The following CSMD1 variants were observed in gnomAD, a reference collection of about 807,000 sequenced individuals.
The protein encoded by CSMD1 is CUB and Sushi multiple domains 1, also known as CUB and sushi domain-containing protein 1.
A neutral mutation model predicts 417.5 loss-of-function variants in CSMD1; 213 were observed. That is an observed-to-expected ratio of 0.51 (90% confidence interval 0.46 to 0.57). The LOEUF (loss-of-function observed/expected upper bound fraction) is 0.57, where lower values mean the gene tolerates loss of function less well. Ranked by LOEUF, CSMD1 falls within the 20% of genes least tolerant of loss-of-function variation. The pLI is 0.00. For missense variants in CSMD1, 6,923 were observed against 4,529.7 expected (o/e 1.53, Z -15.17); for synonymous variants, 2,862 against 1,736.8 (o/e 1.65, Z -16.11).
intron 7 of CSMD1, among the ~76,000 whole-genome samples, chr8:3,670,768 T>G (rs957547336): frequency 6.6e-6 from 1 of 150,576 alleles, no homozygotes; most frequent in Non-Finnish European, 1.5e-5. Flanking sequence ...ATGTATGGGA[T>G]ATATAAGTAT....
chr8:3,083,850 G>C (rs183238450), intron 49 of CSMD1, among the ~76,000 whole-genome samples: 1 of 151,154 alleles, frequency 6.6e-6, no homozygotes, highest in Admixed American at 6.6e-5. Flanking sequence ...TGTAGAGACA[G>C]GGTTTCACCA....
At chr8:3,007,687 C>T (rs375155544) in intron 52 of CSMD1, among the ~76,000 whole-genome samples, 36 of 148,626 alleles carry the variant, frequency 2.4e-4, no homozygotes, top group Non-Finnish European at 4.4e-4. Flanking sequence ...AACCAAACAC[C>T]GCATATTCTC....
chr8:3,308,610 G>GAAAAAAGGAGATTGTGAATTTAC, intron 23 of CSMD1, 107 bp from the exon 24 acceptor site: 1 of 766,476 alleles, frequency 1.3e-6, no homozygotes, highest in Non-Finnish European at 2.1e-6. Flanking sequence ...AGGGTAGGGA[G>GAAAAAAGGAGATTGTGAATTTAC]AAAAAAGGAG....
intron 7 of CSMD1, among the ~76,000 whole-genome samples, chr8:3,655,003 G>A (rs1798033081): frequency 6.6e-6 from 1 of 152,134 alleles, no homozygotes; most frequent in Non-Finnish European, 1.5e-5. Context: ...AAGGGAGACA[G>A]CAATAACGCT....
At chr8:3,255,456 G>C (rs1221387976) in intron 26 of CSMD1, among the ~76,000 whole-genome samples, 80 of 152,340 alleles carry the variant, frequency 5.3e-4, no homozygotes, top group Non-Finnish European at 1.2e-4. Context: ...TCTGTGCCCT[G>C]CCCCCAGAGG....
intron 4 of CSMD1, among the ~76,000 whole-genome samples, chr8:4,005,123 T>G (rs150893059): frequency 2.0e-5 from 3 of 152,062 alleles, no homozygotes; most frequent in African/African-American, 7.2e-5. Flanking sequence ...ATAATGGACT[T>G]TGGAGATTTG....
chr8:4,064,226 C>T (rs920299191), intron 3 of CSMD1, among the ~76,000 whole-genome samples: 3 of 152,172 alleles, frequency 2.0e-5, no homozygotes, highest in African/African-American at 4.8e-5. Flanking sequence ...TTCTGCATCC[C>T]AGTGGTCATT....
chr8:3,486,477 G>T (rs1028593037), intron 11 of CSMD1, among the ~76,000 whole-genome samples: 1 of 152,162 alleles, frequency 6.6e-6, no homozygotes, highest in East Asian at 1.9e-4. Flanking sequence ...GATGAATTCT[G>T]GAAGAGATTC....
At chr8:3,690,466 C>T (rs17326146) in intron 7 of CSMD1, among the ~76,000 whole-genome samples, 20,992 of 152,232 alleles carry the variant, frequency 0.14, 1,532 homozygotes, top group African/African-American at 0.2. Flanking sequence ...GTGTTCAAGG[C>T]TTCTCAACAT....
intron 6 of CSMD1, among the ~76,000 whole-genome samples, chr8:3,713,271 A>G (rs1801631663): frequency 6.6e-6 from 1 of 152,220 alleles, no homozygotes; most frequent in African/African-American, 2.4e-5. Flanking sequence ...CTAAGTGGTT[A>G]GGTTAAAACT....
At chr8:3,585,538 A>G (rs1800563182) in intron 9 of CSMD1, among the ~76,000 whole-genome samples, 1 of 152,230 alleles carries the variant, frequency 6.6e-6, no homozygotes, top group African/African-American at 2.4e-5. Context: ...TAATTCTGGT[A>G]AGAATTTGTG....
chr8:3,918,303 A>G (rs1808971050), intron 5 of CSMD1, among the ~76,000 whole-genome samples: 1 of 152,056 alleles, frequency 6.6e-6, no homozygotes, highest in Non-Finnish European at 1.5e-5. Context: ...GGACTGAGCC[A>G]ATTTACATTC....
chr8:4,311,419 T>C (rs1302674634), intron 3 of CSMD1, among the ~76,000 whole-genome samples: 1 of 152,154 alleles, frequency 6.6e-6, no homozygotes, highest in Non-Finnish European at 1.5e-5. Context: ...AAATACATGT[T>C]TCACTTATGA....
At chr8:3,530,132 TAAGTTC>T (rs1797917298) in intron 10 of CSMD1, among the ~76,000 whole-genome samples, 1 of 152,196 alleles carries the variant, frequency 6.6e-6, no homozygotes, top group African/African-American at 2.4e-5. Context: ...CAACTTGGTT[TAAGTTC>T]ATTTTCTCTG....
At position 3,446,451 on chromosome 8, in the gene CSMD1, A is replaced by C. The variant is rs534322444; in HGVS notation, c.1561+22261T>G. ...TGACAAAAACTCAGTTATGATTCCT[A>C]CTTTGTAGATAATGAAACTGATGAT... is the stretch of plus-strand genomic sequence containing the variant. On this transcript the variant is annotated intron_variant, in intron 12 of 69. Transcript: ENST00000635120. 3.9e-4 allele frequency among the ~76,000 whole-genome samples: 60 copies of C among 152,322 alleles called. 2 individuals are homozygous for C. The South Asian group carries it at 0.012, about 30-fold the overall frequency.
intron 3 of CSMD1, among the ~76,000 whole-genome samples, chr8:4,278,812 T>C (rs746081591): frequency 2.8e-4 from 43 of 152,170 alleles, no homozygotes; most frequent in East Asian, 1.9e-4. Flanking sequence ...GTTTATAAAT[T>C]TGGCTCTTGG....
chr8:3,109,131 G>T (rs1429386576), intron 43 of CSMD1, among the ~76,000 whole-genome samples: 2 of 152,180 alleles, frequency 1.3e-5, no homozygotes, highest in Non-Finnish European at 2.9e-5. Flanking sequence ...TGGGCCTGGT[G>T]GCACGCACTT....
chr8:4,499,034 C>G (rs1802118784), intron 2 of CSMD1, among the ~76,000 whole-genome samples: 1 of 152,020 alleles, frequency 6.6e-6, no homozygotes, highest in Non-Finnish European at 1.5e-5. Flanking sequence ...ATAGAAATAT[C>G]TAGTACAGAT....
intron 25 of CSMD1, among the ~76,000 whole-genome samples, chr8:3,299,638 G>C (rs922340374): frequency 1.3e-5 from 2 of 152,112 alleles, no homozygotes; most frequent in Non-Finnish European, 2.9e-5. Flanking sequence ...CTCTTGTCCA[G>C]CCAAGAGAAA....
Sources: allele counts gnomAD v4.1 joint callset (sites outside exome capture counted in the v4.1 genomes callset), GRCh38; gene constraint gnomAD v4.1.1; transcripts MANE v1.5; gene names NCBI Gene and HGNC (gene_info 2026-07-23, HGNC 2026-07-21).